Variants in COX10 observed in about 807,000 individuals in gnomAD.
COX10 encodes the protein cytochrome c oxidase assembly factor heme A:farnesyltransferase COX10, also known as protoheme IX farnesyltransferase, mitochondrial.
A neutral mutation model predicts 37.3 loss-of-function variants in COX10; 27 were observed. The ratio of observed to expected loss-of-function variants is 0.72; its 90% CI spans 0.53 to 1.00. The LOEUF (loss-of-function observed/expected upper bound fraction) is 1.00. Ranked by LOEUF, COX10 falls within the 50% of genes least tolerant of loss-of-function variation. The pLI, the probability that COX10 is intolerant of heterozygous loss-of-function variation, is 0.00. For synonymous variants in COX10, 222 were observed against 229.1 expected (o/e 0.97, Z 0.28); for missense variants, 475 against 563.2 (o/e 0.84, Z 1.59).
chr17:14,151,028 A>G, intron 4 of COX10, among the ~76,000 whole-genome samples: 1 of 151,864 alleles, frequency 6.6e-6, no homozygotes, highest in South Asian at 2.1e-4. Context: ...CCAACTGAAA[A>G]TGATAACATT....
chr17:14,131,799 T>G (rs1370189472), intron 4 of COX10, among the ~76,000 whole-genome samples: 2 of 151,992 alleles, frequency 1.3e-5, no homozygotes, highest in African/African-American at 4.8e-5. Context: ...GAAAGAACGT[T>G]GGGGTACTGA....
chr17:14,148,191 T>A (rs138319777), intron 4 of COX10, among the ~76,000 whole-genome samples: 1 of 152,124 alleles, frequency 6.6e-6, no homozygotes, highest in African/African-American at 2.4e-5. Flanking sequence ...AGTCACCACA[T>A]TGGGTGAAAA....
chr17:14,085,590 G>C (rs980307876), intron 3 of COX10, among the ~76,000 whole-genome samples: 1 of 151,284 alleles, frequency 6.6e-6, no homozygotes, highest in African/African-American at 2.4e-5. Context: ...ATTTTTGTTG[G>C]GTATATAGCA....
intron 4 of COX10, among the ~76,000 whole-genome samples, chr17:14,119,261 G>A (rs1916178993): frequency 6.6e-6 from 1 of 152,180 alleles, no homozygotes; most frequent in East Asian, 1.9e-4. Flanking sequence ...TAATGTTTAT[G>A]GAGAGTTCAT....
chr17:14,118,274 C>T (rs1916157137), intron 4 of COX10, among the ~76,000 whole-genome samples: 1 of 151,820 alleles, frequency 6.6e-6, no homozygotes, highest in Admixed American at 6.6e-5. Context: ...CACCAAGGAC[C>T]CTGCCCTTCT....
chr17:14,131,480 A>C (rs865964026), intron 4 of COX10, among the ~76,000 whole-genome samples: 1 of 151,982 alleles, frequency 6.6e-6, no homozygotes. Context: ...TTATTTTTCT[A>C]TAAGAAATGA....
intron 4 of COX10, among the ~76,000 whole-genome samples, chr17:14,137,950 G>GTTTTTTTTTTTT (rs55924353): frequency 7.4e-6 from 1 of 134,416 alleles, no homozygotes. Flanking sequence ...ACACAATTCA[G>GTTTTTTTTTTTT]TTTTTTTTTT....
intron 5 of COX10, among the ~76,000 whole-genome samples, chr17:14,188,125 A>T: frequency 1.5e-5 from 2 of 129,980 alleles, no homozygotes; most frequent in South Asian, 2.5e-4. Flanking sequence ...TTTTTTTGAC[A>T]CAAGGGCCAA....
At chr17:14,155,330 A>G (rs34369729) in intron 4 of COX10, among the ~76,000 whole-genome samples, 107 of 530 alleles carry the variant, frequency 0.2, no homozygotes, top group Admixed American at 0.43. Flanking sequence ...ACATCTACAT[A>G]AAAAAAAAAA....
At chr17:14,081,455 A>G (rs1156301842) in intron 3 of COX10, among the ~76,000 whole-genome samples, 1 of 152,242 alleles carries the variant, frequency 6.6e-6, no homozygotes, top group African/African-American at 2.4e-5. Context: ...GCGGAGCTGC[A>G]GAGAGTTTGA....
chr17:14,097,602 G>T (rs1013502940), intron 3 of COX10, among the ~76,000 whole-genome samples: 7 of 152,032 alleles, frequency 4.6e-5, no homozygotes, highest in African/African-American at 1.7e-4. Flanking sequence ...AAGCTCTGGG[G>T]TGAATAAAAA....
rs536771616 is a variant in COX10 at position 14,178,549 on chromosome 17, G to A, written c.696-13440G>A. Among the ~76,000 whole-genome samples the A allele has an allele frequency of 1.0e-4, 15 of 145,560 alleles. No individual in the cohort carries two copies. The East Asian group carries it at 1.8e-3, about 18-fold the overall frequency. ...TCTTAGACAAAAATCTATTAAATTC[G>A]CTGCTCCATCCAGTTACTCTTCTGT... On this transcript the variant is annotated intron_variant, in intron 5 of 6. Transcript: ENST00000261643.
In COX10 at chr17:14,175,095, G is replaced by C. The variant is rs1388888524; in HGVS notation, c.695+15148G>C. ...TACTGGGAAATAGCGGGGGGGGGGG[G>C]GGTGGATAGGAGGGAATTGGCTATA... On this transcript the variant is annotated intron_variant, in intron 5 of 6. Transcript: ENST00000261643. Among the ~76,000 whole-genome samples, 6 of 74,340 alleles carry C rather than the reference G, an allele frequency of 8.1e-5. 1 individual carries two copies. Among genetic ancestry groups the C allele is most frequent in the Non-Finnish European group, 1.6e-4 (5 of 30,438 alleles). The allele number at this position is 74,340 out of a possible 152,430, so 48.8% of individuals were successfully genotyped here. A position where few individuals can be genotyped will look rare whatever the true frequency, so the allele number is the denominator to read the frequency against.
intron 4 of COX10, among the ~76,000 whole-genome samples, chr17:14,126,981 A>C (rs1329316754): frequency 6.6e-6 from 1 of 152,144 alleles, no homozygotes; most frequent in Non-Finnish European, 1.5e-5. Context: ...ACTCGAATTC[A>C]TGTTTCCTTG....
chr17:14,082,847 C>T (rs1915326595), intron 3 of COX10, among the ~76,000 whole-genome samples: 1 of 152,196 alleles, frequency 6.6e-6, no homozygotes, highest in South Asian at 2.1e-4. Context: ...TGGGACAGGA[C>T]TCAGAGATCT....
At chr17:14,073,525 T>C (rs983440787) in intron 1 of COX10, among the ~76,000 whole-genome samples, 1 of 152,136 alleles carries the variant, frequency 6.6e-6, no homozygotes. Context: ...CTAGAAATGG[T>C]TTGAAGATCA....
intron 5 of COX10, among the ~76,000 whole-genome samples, chr17:14,168,601 A>C (rs1905359878): frequency 6.6e-6 from 1 of 152,238 alleles, no homozygotes; most frequent in Admixed American, 6.5e-5. Flanking sequence ...CCCAAAGCCC[A>C]GCTCTTGTCT....
intron 3 of COX10, among the ~76,000 whole-genome samples, chr17:14,081,838 C>G (rs1353637941): frequency 1.3e-5 from 2 of 152,130 alleles, no homozygotes; most frequent in African/African-American, 4.8e-5. Context: ...GCTCTAGACA[C>G]AATTACGGGC....
intron 3 of COX10, among the ~76,000 whole-genome samples, chr17:14,100,701 A>G (rs1030552444): frequency 6.6e-6 from 1 of 152,208 alleles, no homozygotes; most frequent in Admixed American, 6.5e-5. Context: ...TACATTTTAT[A>G]TCAGGTATAG....
Sources: gnomAD v4.1 joint callset for allele counts (sites outside exome capture counted in the v4.1 genomes callset) on GRCh38, gnomAD v4.1.1 for gene constraint, MANE v1.5 for transcripts, NCBI Gene and HGNC (gene_info 2026-07-23, HGNC 2026-07-21) for gene names.